The following SKOR2 variants were observed in gnomAD, a reference collection of about 807,000 sequenced individuals.
SKOR2 encodes the protein LBX1 corepressor 1-like protein.
In SKOR2, 47 loss-of-function variants were observed where a neutral mutation model predicts 69.1. That is an observed-to-expected ratio of 0.68 (90% CI 0.54 to 0.87). The LOEUF is 0.87. SKOR2 is among the 40% of genes least tolerant of loss of function. The probability of loss-of-function intolerance (pLI) is 0.00; values close to 1 mark genes in which losing one functional copy is unlikely to be tolerated. For synonymous variants in SKOR2, 717 were observed against 672.6 expected (o/e 1.07, Z -1.02); for missense variants, 1,404 against 1,472.2 (o/e 0.95, Z 0.76).
At chr18:47,239,637 T>A (rs1023050774) in intron 4 of SKOR2, among the ~76,000 whole-genome samples, 4 of 152,182 alleles carry the variant, frequency 2.6e-5, no homozygotes, top group Admixed American at 2.0e-4. Flanking sequence ...GCTGTTTAAT[T>A]TTTTTTCCTG....
Position 47,247,863 on chromosome 18 carries a change from C to G in SKOR2, c.1321G>C (p.Gly441Arg). ...AEALGGAGAGGAGAAPKAGLS... is the reference protein window; with the variant it reads ...AEALGGAGAGRAGAAPKAGLS... ...CCGGCCTTGGGCGCCGCGCCCGCGC[C>G]GCCTGCGCCCGCGCCCCCCAGGGCC... The change falls in exon 2 of 9, where the codon GGC becomes CGC. Residue 441 changes from glycine (G) to arginine (R), a missense_variant. Physicochemically the swap from Gly to Arg is moderately radical, Grantham distance 125. Coordinates refer to ENST00000425639, the MANE Select transcript of SKOR2 (RefSeq NM_001278063.4). This position sits in a 1 kb window ranked among gnomAD's most constrained non-coding sequence, Gnocchi z 6.6. The G allele has an allele frequency of 7.4e-7, 1 of 1,358,996 alleles. No homozygotes were observed. Among genetic ancestry groups the G allele is most frequent in the Non-Finnish European group, 9.4e-7 (1 of 1,066,014 alleles). 84.2% of individuals were successfully genotyped at this position (1,358,996 alleles called of 1,614,324 possible).
chr18:47,247,894 G>C lies in SKOR2; in HGVS notation c.1290C>G (p.Ala430=), dbSNP rs2064288837. The C allele has an allele frequency of 2.2e-6, 3 of 1,361,542 alleles. No homozygotes were observed. The highest frequency in any genetic ancestry group is 7.5e-5 in the Admixed American group (2 of 26,570). 84.3% of individuals were successfully genotyped at this position (1,361,542 alleles called of 1,614,324 possible). A position where few individuals can be genotyped will look rare whatever the true frequency, so the allele number is the denominator to read the frequency against. ...LCHKKEDAGA[A]AEALGGAGAG... Reference sequence around the variant, plus strand: ...CGCCCGCGCCCCCCAGGGCCTCAGCGGCGGCACCCGCATCCTCTTTCTTAT... The same window carrying C: ...CGCCCGCGCCCCCCAGGGCCTCAGCCGCGGCACCCGCATCCTCTTTCTTAT... The change falls in exon 2 of 9, where the codon GCC becomes GCG. Residue 430 remains alanine (A), a synonymous_variant. Transcript: ENST00000425639. The surrounding 1 kb of genome is among the most constrained non-coding windows in gnomAD (Gnocchi z 6.6).
chr18:47,220,260 T>C (rs2064157217), intron 6 of SKOR2, among the ~76,000 whole-genome samples: 1 of 152,144 alleles, frequency 6.6e-6, no homozygotes, highest in African/African-American at 2.4e-5. Context: ...ATCTCTTGCA[T>C]ATGATTACAC....
chr18:47,238,207 T>G (rs894330941), intron 4 of SKOR2, among the ~76,000 whole-genome samples: 1 of 151,784 alleles, frequency 6.6e-6, no homozygotes, highest in African/African-American at 2.4e-5. Context: ...TTTTTTTTAA[T>G]AGAAGGAAAA....
rs1267398410 is a variant in SKOR2, at chr18:47,206,825, C to T, written c.*71G>A. The T allele has an allele frequency of 2.0e-5, 3 of 152,170 alleles. No homozygotes were observed. The East Asian group carries it at 5.8e-4, about 29-fold the overall frequency. 9.4% of individuals were successfully genotyped at this position (152,170 alleles called of 1,614,324 possible). ...AGCCCTTTCGATCTGCAGTCTTTAA[C>T]ACGGGTCAGAAGTGCTCCATGGCAG... is the stretch of plus-strand genomic sequence containing the variant. On this transcript the variant is annotated 3_prime_UTR_variant, in exon 9 of 9. Coordinates refer to ENST00000425639, the MANE Select transcript of SKOR2 (RefSeq NM_001278063.4).
At position 47,248,387 on chromosome 18, in the gene SKOR2, G is replaced by A. The variant is rs2064294079; in HGVS notation, c.797C>T (p.Ala266Val). Residue 266 changes from alanine (A) to valine (V), a missense_variant, in exon 2 of 9, where the codon GCC (alanine) becomes GTC (valine). Ala to Val is a moderately conservative substitution (Grantham distance 64). Coordinates refer to ENST00000425639, the MANE Select transcript of SKOR2 (RefSeq NM_001278063.4). The surrounding 1 kb of genome is among the most constrained non-coding windows in gnomAD (Gnocchi z 6.4). ...LSSVKAAAVAAAAAVAGGGGL... is the reference protein window; with the variant it reads ...LSSVKAAAVAVAAAVAGGGGL... ...CCCGCCTCCGGCCACCGCGGCCGCGGCGGCCACGGCGGCCGCCTTCACAGA... is the reference window on the plus strand; with the variant it reads ...CCCGCCTCCGGCCACCGCGGCCGCGACGGCCACGGCGGCCGCCTTCACAGA... The A allele has an allele frequency of 2.3e-6, 3 of 1,310,266 alleles. No homozygotes were observed. The highest frequency in any genetic ancestry group is 1.6e-5 in the African/African-American group (1 of 63,820). The allele number at this position is 1,310,266 out of a possible 1,614,324, so 81.2% of individuals were successfully genotyped here.
At position 47,248,479 on chromosome 18, in the gene SKOR2, G is replaced by A. The variant is rs2064295195; in HGVS notation, c.705C>T (p.Phe235=). The A allele has an allele frequency of 6.5e-7, 1 of 1,536,074 alleles. No homozygotes were observed. The highest frequency in any genetic ancestry group is 8.7e-7 in the Non-Finnish European group (1 of 1,146,750). ...GTGCGCGCTTGCGGCTGCCGCCGTT[G>A]AACATGGCCTTGACGTCCTCCCAGG... ...VFAWEDVKAM[F]NGGSRKRALP... Residue 235 remains phenylalanine, a synonymous_variant, in exon 2 of 9, where the codon TTC becomes TTT. Transcript: ENST00000425639. This position sits in a 1 kb window ranked among gnomAD's most constrained non-coding sequence, Gnocchi z 6.4.
rs143738294 is a variant in SKOR2, at chr18:47,242,212, A to T, written c.2752+2696T>A. ...AGCCAGGAATTTGTTTTCAAATTCC[A>T]TCCAAATCAGAGGAAGATGAAAGAG... On this transcript the variant is annotated intron_variant, in intron 4 of 8. Transcript: ENST00000425639. 2.0e-3 allele frequency among the ~76,000 whole-genome samples: 298 copies of T among 152,286 alleles called. 1 individual carries two copies. Among genetic ancestry groups the T allele is most frequent in the African/African-American group, 6.7e-3 (280 of 41,570 alleles).
intron 4 of SKOR2, among the ~76,000 whole-genome samples, chr18:47,234,149 C>T (rs80286812): frequency 0.018 from 2,803 of 152,108 alleles, 78 homozygotes; most frequent in African/African-American, 0.064. Flanking sequence ...TGTTGCCTTT[C>T]GTATATTACT....
At chr18:47,220,774 A>G (rs1368426319) in intron 6 of SKOR2, among the ~76,000 whole-genome samples, 1 of 152,206 alleles carries the variant, frequency 6.6e-6, no homozygotes, top group Non-Finnish European at 1.5e-5. Context: ...GACGTGGCTA[A>G]CTTTGCCTTT....
chr18:47,236,486 C>T (rs2064224177), intron 4 of SKOR2, among the ~76,000 whole-genome samples: 1 of 152,164 alleles, frequency 6.6e-6, no homozygotes, highest in Non-Finnish European at 1.5e-5. Context: ...TATTTAAATC[C>T]TAACCCCCAA....
Position 47,220,001 on chromosome 18 carries a change from T to C in SKOR2, c.2927A>G (p.Gln976Arg). ...GGCTAGCTCCCTTTTCATCTGATCC[T>C]GAAAATTATCTGGTAGGAGAGAGAG... ...NTSFPVFNNFQDQMKRELAYR... is the reference protein window; with the variant it reads ...NTSFPVFNNFRDQMKRELAYR... Residue 976 changes from glutamine (Q) to arginine (R), a missense_variant, in exon 7 of 9, where the codon CAG becomes CGG. By Grantham distance (43) the Gln-to-Arg change is conservative. This residue lies in a region of SKOR2 where 1,266 missense variants were observed against 1,309.9 expected (regional missense o/e 0.97). Coordinates refer to ENST00000425639, the MANE Select transcript of SKOR2 (RefSeq NM_001278063.4). 1 of 1,535,788 alleles carries C rather than the reference T, an allele frequency of 6.5e-7. No homozygotes were observed. Among genetic ancestry groups the C allele is most frequent in the Non-Finnish European group, 8.7e-7 (1 of 1,146,678 alleles).
Position 47,247,870 on chromosome 18 carries a change from G to A in SKOR2, c.1314C>T (p.Gly438=). ...TGGGCGCCGCGCCCGCGCCGCCTGC[G>A]CCCGCGCCCCCCAGGGCCTCAGCGG... ...GAAAEALGGA[G]AGGAGAAPKA... The change falls in exon 2 of 9, where the codon GGC becomes GGT. Residue 438 remains glycine, a synonymous_variant. Coordinates refer to ENST00000425639, the MANE Select transcript of SKOR2 (RefSeq NM_001278063.4). This position sits in a 1 kb window ranked among gnomAD's most constrained non-coding sequence, Gnocchi z 6.6. 7.4e-7 allele frequency: 1 copy of A among 1,358,708 alleles called. No homozygotes were observed. Among genetic ancestry groups the A allele is most frequent in the Non-Finnish European group, 9.4e-7 (1 of 1,065,726 alleles). 84.2% of individuals were successfully genotyped at this position (1,358,708 alleles called of 1,614,324 possible). A position where few individuals can be genotyped will look rare whatever the true frequency, so the allele number is the denominator to read the frequency against.
intron 4 of SKOR2, among the ~76,000 whole-genome samples, chr18:47,237,981 C>A (rs1371258762): frequency 6.6e-6 from 1 of 152,090 alleles, no homozygotes; most frequent in Non-Finnish European, 1.5e-5. Context: ...CCAGGCTGCC[C>A]CCAGTCATTT....
At chr18:47,249,362 G>T (rs2144521371) in intron 1 of SKOR2, 132 bp from the exon 2 acceptor site, 1 of 899,734 alleles carries the variant, frequency 1.1e-6, no homozygotes, top group Non-Finnish European at 1.6e-6. Flanking sequence ...TGGAAAAAGT[G>T]ACCAAGTTTT....
Position 47,248,722 on chromosome 18 carries a change from GC to G in SKOR2, c.461del (p.Gly154AlafsTer106). 6.4e-7 allele frequency: 1 copy of G among 1,555,426 alleles called. No individual in the cohort carries two copies. On this transcript the variant is annotated frameshift_variant, in exon 2 of 9. Transcript: ENST00000425639. LOFTEE classifies it high-confidence loss of function. This position sits in a 1 kb window ranked among gnomAD's most constrained non-coding sequence, Gnocchi z 6.4. Reference sequence around the variant, plus strand: ...GCGCGGGAATGAAGCTGCCGCGGCAGCCCCAGGCGCACTCGTGTGACACGTC... The same window carrying G: ...GCGCGGGAATGAAGCTGCCGCGGCAGCCCAGGCGCACTCGTGTGACACGTC... ...AFDVSHECAW[G>X]CRGSFIPARY...
chr18:47,248,112 C>T lies in SKOR2; in HGVS notation c.1072G>A (p.Ala358Thr). 6.7e-6 allele frequency: 9 copies of T among 1,339,976 alleles called. No homozygotes were observed. The highest frequency in any genetic ancestry group is 7.3e-5 in the Admixed American group (2 of 27,230). The allele number at this position is 1,339,976 out of a possible 1,614,324, so 83.0% of individuals were successfully genotyped here. ...GCGCCCGCGCCCACGCCCACGCCGGCCACACAGCCACCCCCAGCGCCGCCC... is the reference window on the plus strand; with the variant it reads ...GCGCCCGCGCCCACGCCCACGCCGGTCACACAGCCACCCCCAGCGCCGCCC... ...GGGGAGGGCV[A>T]GVGVGAGAGA... Residue 358 changes from alanine to threonine, a missense_variant, in exon 2 of 9, where the codon GCC becomes ACC. Transcript: ENST00000425639. The surrounding 1 kb of genome is among the most constrained non-coding windows in gnomAD (Gnocchi z 6.4).
intron 4 of SKOR2, among the ~76,000 whole-genome samples, chr18:47,240,180 A>T (rs2064242707): frequency 6.6e-6 from 1 of 152,198 alleles, no homozygotes; most frequent in Non-Finnish European, 1.5e-5. Flanking sequence ...AGATGCAGCC[A>T]TGCTCACACT....
At chr18:47,215,511 C>T (rs1351661949) in intron 7 of SKOR2, among the ~76,000 whole-genome samples, 4 of 152,074 alleles carry the variant, frequency 2.6e-5, no homozygotes, top group Non-Finnish European at 1.5e-5. Flanking sequence ...AAAGAACAAG[C>T]ACTCCTCCAG....
Sources: gnomAD v4.1 joint callset for allele counts (sites outside exome capture counted in the v4.1 genomes callset) on GRCh38, gnomAD v4.1.1 for gene constraint, gnomAD v4.1.1 regional missense constraint, Gnocchi (gnomAD v3.1) non-coding constraint, MANE v1.5 for transcripts, NCBI Gene and HGNC (gene_info 2026-07-23, HGNC 2026-07-21) for gene names.